Variants in DLGAP2 observed in about 807,000 individuals in gnomAD.
The protein encoded by DLGAP2 is disks large-associated protein 2.
Under a neutral mutation model 100.3 loss-of-function variants are expected in DLGAP2, and 26 were observed. That is an observed-to-expected ratio of 0.26 (90% CI 0.19 to 0.36). DLGAP2 has a LOEUF of 0.36. Among genes scored for constraint, DLGAP2 ranks in the 10% least tolerant of loss-of-function variants. DLGAP2 has a pLI of 1.00. For synonymous variants in DLGAP2, 886 were observed against 630.1 expected, an observed-to-expected ratio of 1.41 and a Z score of -6.08; for missense variants, 1,858 against 1,453.2, an observed-to-expected ratio of 1.28 and a Z score of -4.53.
intron 1 of DLGAP2, among the ~76,000 whole-genome samples, chr8:760,820 C>G (rs1460155065): frequency 6.6e-6 from 1 of 152,184 alleles, no homozygotes; most frequent in African/African-American, 2.4e-5. Flanking sequence ...CCCCACCCCT[C>G]CCACTTGCTC....
chr8:1,655,120 C>G lies in DLGAP2; in HGVS notation c.1811-13209C>G, dbSNP rs776663104. Among the ~76,000 whole-genome samples, 65 of 152,236 alleles carry G rather than the reference C, an allele frequency of 4.3e-4. 1 individual carries two copies. The highest frequency in any genetic ancestry group is 2.0e-3 in the Admixed American group (31 of 15,284). On this transcript the variant is annotated intron_variant, in intron 8 of 14. Transcript: ENST00000637795. ...ATAGACATCTTTGCTGCTAGCCTAT[C>G]AACGTTGCCCCAGAACTTGTGGGAC...
At chr8:1,316,387 T>A (rs71516179) in intron 3 of DLGAP2, among the ~76,000 whole-genome samples, 1 of 73,728 alleles carries the variant, frequency 1.4e-5, no homozygotes, top group Non-Finnish European at 2.7e-5. Context: ...TCGAGAAACT[T>A]GGCAGCTTTT....
intron 3 of DLGAP2, among the ~76,000 whole-genome samples, chr8:1,474,025 CTT>C (rs1188353803): frequency 2.0e-5 from 3 of 152,104 alleles, no homozygotes; most frequent in Non-Finnish European, 2.9e-5. Flanking sequence ...AATGTGTAGT[CTT>C]TTATCCTTCA....
chr8:1,367,808 A>G (rs553110047), intron 3 of DLGAP2, among the ~76,000 whole-genome samples: 12 of 152,242 alleles, frequency 7.9e-5, no homozygotes, highest in Non-Finnish European at 1.5e-4. Flanking sequence ...ATTAAATATC[A>G]AGATTGTATC....
At chr8:1,256,963 G>C (rs1032587514) in intron 2 of DLGAP2, among the ~76,000 whole-genome samples, 4 of 152,004 alleles carry the variant, frequency 2.6e-5, no homozygotes, top group Non-Finnish European at 5.9e-5. Context: ...CTTTCACACA[G>C]AGCAGTGTGG....
At chr8:1,315,238 C>G (rs1225787598) in intron 3 of DLGAP2, among the ~76,000 whole-genome samples, 2 of 152,052 alleles carry the variant, frequency 1.3e-5, no homozygotes, top group African/African-American at 2.4e-5. Context: ...TACAGTGTCT[C>G]TCCAGCAGTG....
chr8:1,454,122 G>T (rs1798239117), intron 3 of DLGAP2, among the ~76,000 whole-genome samples: 1 of 152,222 alleles, frequency 6.6e-6, no homozygotes, highest in South Asian at 2.1e-4. Context: ...AGAGATTTGA[G>T]AATGTTTTCT....
intron 3 of DLGAP2, chr8:1,381,399 G>A (rs1796091539): frequency 1.3e-5 from 2 of 152,240 alleles, no homozygotes; most frequent in Admixed American, 1.3e-4. Context: ...TTTGAACTGA[G>A]CGTAACTCTT....
At chr8:1,268,916 T>C (rs952253175) in intron 3 of DLGAP2, among the ~76,000 whole-genome samples, 5 of 152,176 alleles carry the variant, frequency 3.3e-5, no homozygotes, top group African/African-American at 1.2e-4. Context: ...CAGAATGACA[T>C]GGCCAGAGCC....
At chr8:1,307,321 C>T (rs1027087170) in intron 3 of DLGAP2, among the ~76,000 whole-genome samples, 1 of 152,154 alleles carries the variant, frequency 6.6e-6, no homozygotes, top group Non-Finnish European at 1.5e-5. Flanking sequence ...GAAATGCCAA[C>T]ACACATTAGA....
At chr8:849,419 G>A (rs1053468634) in intron 1 of DLGAP2, among the ~76,000 whole-genome samples, 1 of 152,240 alleles carries the variant, frequency 6.6e-6, no homozygotes, top group African/African-American at 2.4e-5. Context: ...GAGCGCAGGA[G>A]TTTTTGTGGA....
chr8:1,649,044 C>T (rs1798105463), intron 8 of DLGAP2, among the ~76,000 whole-genome samples: 1 of 151,882 alleles, frequency 6.6e-6, no homozygotes, highest in African/African-American at 2.4e-5. Flanking sequence ...CCGGAGGGGC[C>T]CAAAAAATCA....
At chr8:1,355,548 A>C (rs1195838180) in intron 3 of DLGAP2, among the ~76,000 whole-genome samples, 5 of 152,040 alleles carry the variant, frequency 3.3e-5, no homozygotes, top group Admixed American at 3.3e-4. Flanking sequence ...TATTTTTAGT[A>C]GAGGCGGGGT....
At chr8:748,456 T>C (rs1820707986) in intron 1 of DLGAP2, among the ~76,000 whole-genome samples, 1 of 152,088 alleles carries the variant, frequency 6.6e-6, no homozygotes, top group Non-Finnish European at 1.5e-5. Flanking sequence ...GAGTGGGCCA[T>C]GTGGGCGTTG....
chr8:994,629 A>T (rs569920292), intron 2 of DLGAP2, among the ~76,000 whole-genome samples: 1 of 152,238 alleles, frequency 6.6e-6, no homozygotes, highest in South Asian at 2.1e-4. Flanking sequence ...AGGGCTTGGG[A>T]TGGATGCATC....
At position 1,361,788 on chromosome 8, in the gene DLGAP2, A is replaced by C. The variant is rs77814820; in HGVS notation, c.106+102905A>C. 6.9e-3 allele frequency among the ~76,000 whole-genome samples: 1,049 copies of C among 152,340 alleles called. 14 individuals are homozygous for C. The highest frequency in any genetic ancestry group is 0.022 in the African/African-American group (915 of 41,588). ...AATCCAGTGGAGGAGAAAACCCTCC[A>C]AGAATCCACCTCCGTGAGTCAAATT... On this transcript the variant is annotated intron_variant, in intron 3 of 14. Coordinates refer to ENST00000637795, the MANE Select transcript of DLGAP2 (RefSeq NM_001346810.2).
chr8:1,431,845 A>C (rs1392075853), intron 3 of DLGAP2, among the ~76,000 whole-genome samples: 1 of 152,214 alleles, frequency 6.6e-6, no homozygotes, highest in African/African-American at 2.4e-5. Context: ...ATGGCCACCA[A>C]GCCCTGAGAA....
intron 2 of DLGAP2, among the ~76,000 whole-genome samples, chr8:1,180,715 C>G (rs1013197953): frequency 6.7e-6 from 1 of 149,406 alleles, no homozygotes; most frequent in Admixed American, 6.7e-5. Flanking sequence ...TGTGGGTGTG[C>G]AAGGGCAGCA....
At chr8:1,437,404 T>C (rs1245828375) in intron 3 of DLGAP2, among the ~76,000 whole-genome samples, 2 of 152,228 alleles carry the variant, frequency 1.3e-5, no homozygotes, top group African/African-American at 2.4e-5. Context: ...ATGACTGTAC[T>C]TATTACTTGT....
Sources: allele counts gnomAD v4.1 joint callset (sites outside exome capture counted in the v4.1 genomes callset), GRCh38; gene constraint gnomAD v4.1.1; transcripts MANE v1.5; gene names NCBI Gene and HGNC (gene_info 2026-07-23, HGNC 2026-07-21).